Variants in SUPT16H observed in about 807,000 individuals in gnomAD.
SUPT16H encodes the protein SPT16 homolog, facilitates chromatin remodeling subunit.
In SUPT16H, 24 loss-of-function variants were observed where a neutral mutation model predicts 136.2. The observed-to-expected ratio is 0.18, with a 90% CI of 0.13 to 0.25. The LOEUF (loss-of-function observed/expected upper bound fraction) is 0.25, where lower values mean the gene tolerates loss of function less well. SUPT16H is among the 10% of genes least tolerant of loss of function. The pLI, the probability that SUPT16H is intolerant of heterozygous loss-of-function variation, is 1.00. For missense variants in SUPT16H, 623 were observed against 1,270.2 expected (o/e 0.49, Z 7.74); for synonymous variants, 415 against 428.2 (o/e 0.97, Z 0.38).
chr14:21,370,628 A>G, intron 3 of SUPT16H, 140 bp from the exon 4 acceptor site: 1 of 905,190 alleles, frequency 1.1e-6, no homozygotes, highest in South Asian at 1.7e-5. Context: ...TTTACTTTTA[A>G]AGAGACAGGG....
intron 1 of SUPT16H, chr14:21,383,362 CTTT>C (rs1169821834): frequency 6.3e-6 from 3 of 477,846 alleles, no homozygotes; most frequent in Admixed American, 3.8e-5. Flanking sequence ...AGCAGTATTT[CTTT>C]TTTTAACTCC....
In SUPT16H at chr14:21,352,666, T is replaced by C; in HGVS notation, c.*7A>G. On this transcript the variant is annotated 3_prime_UTR_variant, in exon 26 of 26. Transcript: ENST00000216297. ...GAAGAATGGAGCTCAGGGCCAAAGT[T>C]CAGAAGTTACTTCCTCTTTTTCTTG... 1 of 1,614,004 alleles carries C rather than the reference T, an allele frequency of 6.2e-7. No homozygotes were observed. Among genetic ancestry groups the C allele is most frequent in the Non-Finnish European group, 8.5e-7 (1 of 1,179,998 alleles).
intron 22 of SUPT16H, among the ~76,000 whole-genome samples, chr14:21,355,356 G>A (rs995439584): frequency 2.6e-5 from 4 of 152,160 alleles, no homozygotes; most frequent in African/African-American, 9.6e-5. Flanking sequence ...AGCCAGGCAT[G>A]GTAGCACGCG....
Position 21,372,119 on chromosome 14 carries a change from T to C in SUPT16H, c.160-75A>G. 2.1e-6 allele frequency: 3 copies of C among 1,454,254 alleles called. No individual in the cohort carries two copies. In the South Asian group the frequency reaches 4.1e-5, roughly 20 times the overall value. 90.1% of individuals were successfully genotyped at this position (1,454,254 alleles called of 1,614,324 possible). A position where few individuals can be genotyped will look rare whatever the true frequency, so the allele number is the denominator to read the frequency against. On this transcript the variant is annotated intron_variant, in intron 2 of 25. Coordinates refer to ENST00000216297, the MANE Select transcript of SUPT16H (RefSeq NM_007192.4). ...ATGGACTCATATAGATATACAGAAA[T>C]ACTTATAGACAAAAATAACATGTCT... is the stretch of plus-strand genomic sequence containing the variant.
In SUPT16H at chr14:21,352,736, C is replaced by G. The variant is rs367753935; in HGVS notation, c.3081G>C (p.Ser1027=). Residue 1027 remains serine, a synonymous_variant, in exon 26 of 26, where the codon TCG becomes TCC. Transcript: ENST00000216297. Reference sequence around the variant, plus strand: ...TGGAACCACGGTTAGAGCCACGGCCCGAACTGTGCACAGATGCCTTCCTCT... The same window carrying G: ...TGGAACCACGGTTAGAGCCACGGCCGGAACTGTGCACAGATGCCTTCCTCT... The part of the protein sequence containing the change: ...SRKRKASVHS[S]GRGSNRGSRH... 1.2e-6 allele frequency: 2 copies of G among 1,613,856 alleles called. No homozygotes were observed. The highest frequency in any genetic ancestry group is 2.7e-5 in the African/African-American group (2 of 74,834).
intron 2 of SUPT16H, chr14:21,372,702 C>G (rs1008419161): frequency 1.8e-5 from 8 of 453,494 alleles, no homozygotes; most frequent in African/African-American, 1.6e-4. Flanking sequence ...CTGGAAAAAG[C>G]CTGGGTCCCT....
At position 21,369,160 on chromosome 14, in the gene SUPT16H, G is replaced by C. The variant is rs746869229; in HGVS notation, c.782+44C>G. ...ACAGATTTAACAAAAAGAAAAAATAGGCTAAAGTCAAAATGCTATATTATG... is the reference window on the plus strand; with the variant it reads ...ACAGATTTAACAAAAAGAAAAAATACGCTAAAGTCAAAATGCTATATTATG... On this transcript the variant is annotated intron_variant, in intron 6 of 25. Transcript: ENST00000216297. 18 of 1,572,962 alleles carry C rather than the reference G, an allele frequency of 1.1e-5. No homozygotes were observed. In the African/African-American group the frequency reaches 2.3e-4, roughly 20 times the overall value.
At chr14:21,360,694 C>T in intron 17 of SUPT16H, 152 bp downstream of exon 17, 2 of 1,290,562 alleles carry the variant, frequency 1.5e-6, no homozygotes, top group South Asian at 1.4e-5. Context: ...AGATTCCTCC[C>T]AGCATTTCCT....
At chr14:21,380,106 T>C (rs1215392564) in intron 1 of SUPT16H, among the ~76,000 whole-genome samples, 1 of 152,132 alleles carries the variant, frequency 6.6e-6, no homozygotes, top group Non-Finnish European at 1.5e-5. Flanking sequence ...AAAAAATAAG[T>C]ATAACTATTA....
chr14:21,353,358 C>T, intron 25 of SUPT16H, 130 bp downstream of exon 25: 1 of 863,198 alleles, frequency 1.2e-6, no homozygotes, highest in South Asian at 1.7e-5. Flanking sequence ...GTATCTGTGG[C>T]TCCAAAGCAC....
At chr14:21,362,078 C>T (rs1886568574) in intron 15 of SUPT16H, 119 bp downstream of exon 15, 4 of 1,241,742 alleles carry the variant, frequency 3.2e-6, no homozygotes, top group South Asian at 3.4e-5. Context: ...AAACAAGTAC[C>T]AATGAGGAAG....
intron 19 of SUPT16H, 79 bp from the exon 20 acceptor site, chr14:21,358,506 G>A (rs1886481937): frequency 9.9e-7 from 1 of 1,005,482 alleles, no homozygotes; most frequent in Admixed American, 2.4e-5. Flanking sequence ...AAGTGCTTTT[G>A]TGCTTTAAAA....
chr14:21,372,723 C>A, intron 2 of SUPT16H: 2 of 437,910 alleles, frequency 4.6e-6, no homozygotes, highest in Admixed American at 2.8e-5. Flanking sequence ...GAAGACTATA[C>A]ATAAGGAAAA....
Position 21,373,387 on chromosome 14 carries a change from G to GAT in SUPT16H, c.108_109dup (p.Ser37TyrfsTer26). On this transcript the variant is annotated frameshift_variant, in exon 2 of 26. Coordinates refer to ENST00000216297, the MANE Select transcript of SUPT16H (RefSeq NM_007192.4). LOFTEE classifies it high-confidence loss of function. ...AACAATTTCTTCATCAACACCCACTGATACAACAATGGCATCAACGTTGGC... is the reference window on the plus strand; with the variant it reads ...AACAATTTCTTCATCAACACCCACTGATATACAACAATGGCATCAACGTTGGC... The GAT allele has an allele frequency of 6.2e-7, 1 of 1,614,128 alleles. No individual in the cohort carries two copies. The highest frequency in any genetic ancestry group is 8.5e-7 in the Non-Finnish European group (1 of 1,179,996).
chr14:21,375,486 A>ACAAGTCCCTTTT (rs71112582), intron 1 of SUPT16H, among the ~76,000 whole-genome samples: 1 of 152,016 alleles, frequency 6.6e-6, no homozygotes, highest in Non-Finnish European at 1.5e-5. Context: ...TATTCTAGAC[A>ACAAGTCCCTTTT]CAGGATCTGC....
At chr14:21,382,941 G>A (rs1887063654) in intron 1 of SUPT16H, 1 of 152,118 alleles carries the variant, frequency 6.6e-6, no homozygotes, top group Non-Finnish European at 1.5e-5. Flanking sequence ...AATTTACAAT[G>A]CTGAAATGAG....
chr14:21,380,573 T>C (rs1203980089), intron 1 of SUPT16H, among the ~76,000 whole-genome samples: 4 of 152,194 alleles, frequency 2.6e-5, no homozygotes, highest in Non-Finnish European at 5.9e-5. Context: ...CTTTAATTCA[T>C]TAGTTTCTTC....
chr14:21,369,626 T>C, intron 5 of SUPT16H, 124 bp downstream of exon 5: 2 of 1,286,416 alleles, frequency 1.6e-6, no homozygotes, highest in Non-Finnish European at 2.2e-6. Flanking sequence ...GATGATGTAA[T>C]TACCACCAAC....
chr14:21,383,686 CCT>C (rs1887098874), intron 1 of SUPT16H, 174 bp downstream of exon 1: 2 of 744,758 alleles, frequency 2.7e-6, no homozygotes, highest in Non-Finnish European at 2.4e-6. Flanking sequence ...CGGGGGATTC[CCT>C]GTTAAGGGGC....
Sources: allele counts gnomAD v4.1 joint callset (sites outside exome capture counted in the v4.1 genomes callset), GRCh38; gene constraint gnomAD v4.1.1; transcripts MANE v1.5; gene names NCBI Gene and HGNC (gene_info 2026-07-23, HGNC 2026-07-21).